The following KIAA1755 variants were observed in gnomAD, a reference collection of about 807,000 sequenced individuals.
KIAA1755 encodes the protein KIAA1755.
A neutral mutation model predicts 91.7 loss-of-function variants in KIAA1755; 68 were observed. The observed-to-expected ratio is 0.74, with a 90% CI of 0.61 to 0.91. KIAA1755 has a LOEUF of 0.91. Among genes scored for constraint, KIAA1755 ranks in the 40% least tolerant of loss-of-function variants. The pLI, the probability that KIAA1755 is intolerant of heterozygous loss-of-function variation, is 0.00. For synonymous variants in KIAA1755, 610 were observed against 604.6 expected, an observed-to-expected ratio of 1.01 and a Z score of -0.13; for missense variants, 1,535 against 1,494.4, an observed-to-expected ratio of 1.03 and a Z score of -0.45.
In KIAA1755 at chr20:38,222,558, C is replaced by T. The variant is rs1445590351; in HGVS notation, c.2308G>A (p.Glu770Lys). ...AGGCCGGGGTCCCTCAGCACAGCCTCCATCAGCTCCTTGGACTTGCTCAGG... is the reference window on the plus strand; with the variant it reads ...AGGCCGGGGTCCCTCAGCACAGCCTTCATCAGCTCCTTGGACTTGCTCAGG... ...RCLSKSKELM[E>K]AVLRDPGLLG... Residue 770 changes from glutamate to lysine, a missense_variant, in exon 10 of 14, where the codon GAG becomes AAG. Physicochemically the swap from Glu to Lys is moderately conservative, Grantham distance 56 (BLOSUM62 1). Coordinates refer to ENST00000279024, the MANE Select transcript of KIAA1755 (RefSeq NM_001029864.2). 1 of 1,613,306 alleles carries T rather than the reference C, an allele frequency of 6.2e-7. No homozygotes were observed. The highest frequency in any genetic ancestry group is 8.5e-7 in the Non-Finnish European group (1 of 1,180,022).
intron 4 of KIAA1755, among the ~76,000 whole-genome samples, chr20:38,235,236 G>T (rs548211819): frequency 6.6e-6 from 1 of 152,300 alleles, no homozygotes; most frequent in East Asian, 1.9e-4. Context: ...TCAGGGTGAG[G>T]TCTCAATCTC....
intron 1 of KIAA1755, among the ~76,000 whole-genome samples, chr20:38,257,221 G>A (rs114092791): frequency 8.5e-5 from 13 of 152,312 alleles, no homozygotes; most frequent in African/African-American, 3.1e-4. Flanking sequence ...TAGAGGGCCT[G>A]GCACACAGTA....
chr20:38,253,567 C>T (rs1034561141), intron 1 of KIAA1755, among the ~76,000 whole-genome samples: 4 of 152,082 alleles, frequency 2.6e-5, no homozygotes, highest in Non-Finnish European at 5.9e-5. Context: ...TTAAAGAAAA[C>T]AGTGTCATAC....
rs1387731143 is a variant in KIAA1755 at position 38,211,866 on chromosome 20, C to T, written c.*1176G>A. 6.6e-6 allele frequency: 1 copy of T among 152,200 alleles called. No homozygotes were observed. The highest frequency in any genetic ancestry group is 2.4e-5 in the African/African-American group (1 of 41,434). 9.4% of individuals were successfully genotyped at this position (152,200 alleles called of 1,614,324 possible). On this transcript the variant is annotated 3_prime_UTR_variant, in exon 14 of 14. Transcript: ENST00000279024. Reference sequence around the variant, plus strand: ...CAGGAGGCAATTCTCTTTGCCAAGACCAATGGAGCTGGCTGTGCGTGCTGT... The same window carrying T: ...CAGGAGGCAATTCTCTTTGCCAAGATCAATGGAGCTGGCTGTGCGTGCTGT...
Position 38,241,417 on chromosome 20 carries a change from G to A in KIAA1755, c.714C>T (p.Gly238=), listed in dbSNP as rs748401620. The A allele has an allele frequency of 9.3e-6, 15 of 1,614,074 alleles. No homozygotes were observed. The highest frequency in any genetic ancestry group is 1.7e-6 in the Non-Finnish European group (2 of 1,180,046). Residue 238 remains glycine (G), a synonymous_variant, in exon 3 of 14, where the codon GGC becomes GGT. Coordinates refer to ENST00000279024, the MANE Select transcript of KIAA1755 (RefSeq NM_001029864.2). The part of the protein sequence containing the change: ...LPAQSLAKGK[G]RTYGSKYPGL... ...CTGGATACTTGCTCCCATATGTCCT[G>A]CCCTTACCCTTGGCCAAACTCTGGG...
chr20:38,244,504 G>A (rs1371774402), intron 2 of KIAA1755, among the ~76,000 whole-genome samples: 1 of 152,180 alleles, frequency 6.6e-6, no homozygotes, highest in Admixed American at 6.5e-5. Flanking sequence ...CTGTGTCCCT[G>A]ACAGGCAGTG....
intron 3 of KIAA1755, 64 bp from the exon 4 acceptor site, chr20:38,239,789 C>T (rs1205433): frequency 0.32 from 450,239 of 1,401,320 alleles, 73,383 homozygotes; most frequent in Middle Eastern, 0.52. Flanking sequence ...AAGGGGAAAA[C>T]GTCTCCTCTT....
chr20:38,227,192 C>T lies in KIAA1755; in HGVS notation c.2014G>A (p.Glu672Lys), dbSNP rs2075773545. 6.2e-7 allele frequency: 1 copy of T among 1,613,908 alleles called. No homozygotes were observed. The highest frequency in any genetic ancestry group is 1.3e-5 in the African/African-American group (1 of 74,942). ...AATGTCTGCAGCTGGAGAGCCGCCT[C>T]CTTCTCCCCCAGGAAGAGAATAGCC... is the stretch of plus-strand genomic sequence containing the variant. ...IRAILFLGEK[E>K]AALQLQTLPD... Residue 672 changes from glutamate to lysine, a missense_variant, in exon 7 of 14, where the codon GAG becomes AAG. Transcript: ENST00000279024.
chr20:38,247,000 G>A (rs62201492), intron 1 of KIAA1755, among the ~76,000 whole-genome samples: 6,561 of 151,672 alleles, frequency 0.043, 206 homozygotes, highest in Non-Finnish European at 0.068. Flanking sequence ...AGGCTTCACC[G>A]CCTCTTCCAG....
In KIAA1755 at chr20:38,245,963, T is replaced by C. The variant is rs1444095733; in HGVS notation, c.167A>G (p.Lys56Arg). The change falls in exon 2 of 14, where the codon AAG (lysine) becomes AGG (arginine). Residue 56 changes from lysine (K) to arginine (R), a missense_variant. Coordinates refer to ENST00000279024, the MANE Select transcript of KIAA1755 (RefSeq NM_001029864.2). The part of the protein sequence containing the change: ...SFLLDFLIPA[K>R]RLCEQVREAA... ...TTCTCGCACTTGCTCACACAGGCGCTTGGCAGGGATCAGGAAATCCAGAAG... is the reference window on the plus strand; with the variant it reads ...TTCTCGCACTTGCTCACACAGGCGCCTGGCAGGGATCAGGAAATCCAGAAG... 12 of 1,613,990 alleles carry C rather than the reference T, an allele frequency of 7.4e-6. No homozygotes were observed. Among genetic ancestry groups the C allele is most frequent in the Non-Finnish European group, 1.0e-5 (12 of 1,180,024 alleles).
chr20:38,237,581 A>T (rs1012666669), intron 4 of KIAA1755, among the ~76,000 whole-genome samples: 4 of 151,904 alleles, frequency 2.6e-5, no homozygotes, highest in Non-Finnish European at 4.4e-5. Context: ...AGACATAATG[A>T]TGGGGAAGGG....
intron 1 of KIAA1755, among the ~76,000 whole-genome samples, chr20:38,248,003 G>A (rs1230886153): frequency 6.6e-6 from 1 of 152,160 alleles, no homozygotes; most frequent in South Asian, 2.1e-4. Flanking sequence ...TGAGGTGGGT[G>A]GATCCCTTGA....
At chr20:38,228,071 C>CG in intron 6 of KIAA1755, 76 bp downstream of exon 6, 3 of 1,101,156 alleles carry the variant, frequency 2.7e-6, no homozygotes, top group Non-Finnish European at 3.8e-6. Flanking sequence ...TAAGCACCCC[C>CG]GGACTCTATG....
rs142283949 is a variant in KIAA1755, at chr20:38,225,841, G to A, written c.2053-60C>T. 2.9e-4 allele frequency: 291 copies of A among 994,456 alleles called. No individual in the cohort carries two copies. The African/African-American group carries it at 4.2e-3, about 14-fold the overall frequency. 61.6% of individuals were successfully genotyped at this position (994,456 alleles called of 1,614,324 possible). On this transcript the variant is annotated intron_variant, in intron 7 of 13. Coordinates refer to ENST00000279024, the MANE Select transcript of KIAA1755 (RefSeq NM_001029864.2). Reference sequence around the variant, plus strand: ...AAAGTGAGGACAGTCATTTTAGAAGGTCCTGCCCAGATCCCTGCCCCAGCA... The same window carrying A: ...AAAGTGAGGACAGTCATTTTAGAAGATCCTGCCCAGATCCCTGCCCCAGCA...
chr20:38,223,760 G>C, intron 8 of KIAA1755, 124 bp from the exon 9 acceptor site: 1 of 669,914 alleles, frequency 1.5e-6, no homozygotes, highest in Non-Finnish European at 2.6e-6. Flanking sequence ...TGCATCAGAA[G>C]CATCTGGAGA....
intron 9 of KIAA1755, chr20:38,223,207 C>A: frequency 4.8e-6 from 1 of 206,228 alleles, no homozygotes; most frequent in Non-Finnish European, 9.7e-6. Flanking sequence ...TCAGAGAGGC[C>A]CTCCTCCCTC....
At position 38,211,719 on chromosome 20, in the gene KIAA1755, G is replaced by C. The variant is rs2075453379; in HGVS notation, c.*1323C>G. ...GATTCTCTCTGGAGGACAAGGACAA[G>C]GTTCCACAGGGTTCCTTGAACTTGA... On this transcript the variant is annotated 3_prime_UTR_variant, in exon 14 of 14. Transcript: ENST00000279024. The C allele has an allele frequency of 6.6e-6, 1 of 152,242 alleles. No individual in the cohort carries two copies. Among genetic ancestry groups the C allele is most frequent in the African/African-American group, 2.4e-5 (1 of 41,454 alleles). 9.4% of individuals were successfully genotyped at this position (152,242 alleles called of 1,614,324 possible).
At position 38,211,870 on chromosome 20, in the gene KIAA1755, T is replaced by C. The variant is rs1025688717; in HGVS notation, c.*1172A>G. The C allele has an allele frequency of 1.3e-5, 2 of 152,208 alleles. No homozygotes were observed. Among genetic ancestry groups the C allele is most frequent in the African/African-American group, 4.8e-5 (2 of 41,444 alleles). The allele number at this position is 152,208 out of a possible 1,614,324, so 9.4% of individuals were successfully genotyped here. On this transcript the variant is annotated 3_prime_UTR_variant, in exon 14 of 14. Transcript: ENST00000279024. ...AGGCAATTCTCTTTGCCAAGACCAA[T>C]GGAGCTGGCTGTGCGTGCTGTCTAC...
intron 4 of KIAA1755, 84 bp from the exon 5 acceptor site, chr20:38,231,409 C>T: frequency 2.1e-6 from 3 of 1,410,930 alleles, no homozygotes; most frequent in Admixed American, 5.7e-5. Flanking sequence ...AGACCTTTGG[C>T]CGTAACGGTT....
Sources: allele counts gnomAD v4.1 joint callset (sites outside exome capture counted in the v4.1 genomes callset), GRCh38; gene constraint gnomAD v4.1.1; transcripts MANE v1.5; gene names NCBI Gene and HGNC (gene_info 2026-07-23, HGNC 2026-07-21).